The following CACNG2 variants were observed in gnomAD, a reference collection of about 807,000 sequenced individuals.
CACNG2 encodes the protein voltage-dependent calcium channel gamma-2 subunit.
A neutral mutation model predicts 25.9 loss-of-function variants in CACNG2; 3 were observed. The observed-to-expected ratio is 0.12, with a 90% CI of 0.05 to 0.30. CACNG2 has a LOEUF of 0.30. CACNG2 is among the 10% of genes least tolerant of loss of function. The pLI, the probability that CACNG2 is intolerant of heterozygous loss-of-function variation, is 1.00. For synonymous variants in CACNG2, 167 were observed against 173.3 expected, an observed-to-expected ratio of 0.96 and a Z score of 0.29; for missense variants, 341 against 432.5, an observed-to-expected ratio of 0.79 and a Z score of 1.88.
At chr22:36,609,964 C>A (rs374148427) in intron 1 of CACNG2, among the ~76,000 whole-genome samples, 17 of 149,600 alleles carry the variant, frequency 1.1e-4, no homozygotes, top group Non-Finnish European at 7.4e-5. Context: ...CCCCCCAGAG[C>A]GTGACCGGGC....
chr22:36,613,954 C>A (rs1935983346), intron 1 of CACNG2, among the ~76,000 whole-genome samples: 1 of 152,102 alleles, frequency 6.6e-6, no homozygotes, highest in South Asian at 2.1e-4. Flanking sequence ...AATCTGGACC[C>A]CTACCAACCG....
At chr22:36,681,696 G>T (rs540297663) in intron 1 of CACNG2, among the ~76,000 whole-genome samples, 1 of 152,200 alleles carries the variant, frequency 6.6e-6, no homozygotes, top group Non-Finnish European at 1.5e-5. Flanking sequence ...GCTGGACTAG[G>T]GTTTAAATCC....
intron 1 of CACNG2, among the ~76,000 whole-genome samples, chr22:36,692,346 G>A (rs1937276891): frequency 6.6e-6 from 1 of 152,194 alleles, no homozygotes; most frequent in Admixed American, 6.5e-5. Flanking sequence ...AAGGAAGTGG[G>A]ACGGCACTCC....
At chr22:36,598,415 C>T (rs1000245616) in intron 1 of CACNG2, among the ~76,000 whole-genome samples, 1 of 151,828 alleles carries the variant, frequency 6.6e-6, no homozygotes, top group African/African-American at 2.4e-5. Context: ...GTCAGGAGTT[C>T]AAGACCAGCC....
At chr22:36,618,884 C>T (rs1176978732) in intron 1 of CACNG2, among the ~76,000 whole-genome samples, 3 of 152,130 alleles carry the variant, frequency 2.0e-5, no homozygotes, top group African/African-American at 4.8e-5. Flanking sequence ...GGCACCACTA[C>T]ACTCCAGCCT....
intron 1 of CACNG2, among the ~76,000 whole-genome samples, chr22:36,603,807 A>T (rs1335791629): frequency 1.3e-5 from 2 of 152,188 alleles, no homozygotes; most frequent in Non-Finnish European, 2.9e-5. Flanking sequence ...CTGCTCATTT[A>T]CCATGCACCT....
intron 1 of CACNG2, among the ~76,000 whole-genome samples, chr22:36,648,597 C>T (rs534160904): frequency 6.6e-6 from 1 of 152,314 alleles, no homozygotes; most frequent in Admixed American, 6.5e-5. Flanking sequence ...CTACTTCACC[C>T]TTCTCTCTCC....
chr22:36,645,698 T>A (rs1362579521), intron 1 of CACNG2, among the ~76,000 whole-genome samples: 1 of 152,220 alleles, frequency 6.6e-6, no homozygotes, highest in African/African-American at 2.4e-5. Flanking sequence ...TTGGCATTTA[T>A]GGATACTAAA....
At position 36,610,303 on chromosome 22, in the gene CACNG2, AGC is replaced by A. The variant is rs1234005021; in HGVS notation, c.212-22757_212-22756del. Among the ~76,000 whole-genome samples, 12 of 148,964 alleles carry A rather than the reference AGC, an allele frequency of 8.1e-5. 1 individual carries two copies. In the East Asian group the frequency reaches 2.4e-3, roughly 30 times the overall value. On this transcript the variant is annotated intron_variant, in intron 1 of 3. Transcript: ENST00000300105. ...GATTGGGCAGGAATCAGCCGCTTAGAGCGTGATTGGGCAGGAATCAGCTCCCC... is the reference window on the plus strand; with the variant it reads ...GATTGGGCAGGAATCAGCCGCTTAGAGTGATTGGGCAGGAATCAGCTCCCC...
chr22:36,689,564 AG>A (rs534479782), intron 1 of CACNG2, among the ~76,000 whole-genome samples: 1 of 152,326 alleles, frequency 6.6e-6, no homozygotes, highest in South Asian at 2.1e-4. Context: ...TTCAAACGAC[AG>A]GTCTTTAAGT....
chr22:36,662,081 C>T (rs1267314785), intron 1 of CACNG2, among the ~76,000 whole-genome samples: 1 of 141,868 alleles, frequency 7.0e-6, no homozygotes, highest in Non-Finnish European at 1.5e-5. Context: ...CCAGGTCAAG[C>T]AATTCTCCTG....
At chr22:36,609,913 C>T (rs1935909133) in intron 1 of CACNG2, among the ~76,000 whole-genome samples, 1 of 135,896 alleles carries the variant, frequency 7.4e-6, no homozygotes. Flanking sequence ...CATGATCAGG[C>T]AGGAAATCAA....
intron 2 of CACNG2, among the ~76,000 whole-genome samples, chr22:36,575,079 GT>G (rs1935291695): frequency 6.6e-6 from 1 of 152,210 alleles, no homozygotes; most frequent in South Asian, 2.1e-4. Flanking sequence ...AAATAATAGT[GT>G]TCCTTGGCCC....
At chr22:36,684,061 G>A (rs1001069750) in intron 1 of CACNG2, among the ~76,000 whole-genome samples, 6 of 152,136 alleles carry the variant, frequency 3.9e-5, no homozygotes, top group Non-Finnish European at 7.3e-5. Context: ...ATGAGTAATG[G>A]GGCTGAAGAG....
chr22:36,566,344 G>C lies in CACNG2; in HGVS notation c.436+9C>G. On this transcript the variant is annotated intron_variant, in intron 3 of 3. Transcript: ENST00000300105. ...TTCCCAGTGGCAGGACTGGATCAGT[G>C]GCTGTTACCTGCAGACACGAAGAAG... is the stretch of plus-strand genomic sequence containing the variant. 6.2e-7 allele frequency: 1 copy of C among 1,613,964 alleles called. No individual in the cohort carries two copies. The highest frequency in any genetic ancestry group is 1.6e-4 in the Middle Eastern group (1 of 6,062).
At chr22:36,666,766 G>A (rs1015100805) in intron 1 of CACNG2, among the ~76,000 whole-genome samples, 1 of 151,810 alleles carries the variant, frequency 6.6e-6, no homozygotes, top group Non-Finnish European at 1.5e-5. Context: ...CCTTCAGAGG[G>A]AACCATACTT....
intron 1 of CACNG2, among the ~76,000 whole-genome samples, chr22:36,596,980 G>A (rs1935687722): frequency 6.6e-6 from 1 of 151,856 alleles, no homozygotes; most frequent in African/African-American, 2.4e-5. Flanking sequence ...TTGAACTCCT[G>A]GGCTCAAGCG....
At chr22:36,586,760 T>C (rs1233562104) in intron 2 of CACNG2, among the ~76,000 whole-genome samples, 2 of 152,150 alleles carry the variant, frequency 1.3e-5, no homozygotes. Context: ...CCTCAAGGAC[T>C]CTCAGCCCCT....
At chr22:36,663,689 T>A (rs942767848) in intron 1 of CACNG2, among the ~76,000 whole-genome samples, 5 of 151,908 alleles carry the variant, frequency 3.3e-5, no homozygotes, top group African/African-American at 1.2e-4. Context: ...GCTCGCAGAG[T>A]CCTCAGCATC....
Sources: gnomAD v4.1 joint callset for allele counts (sites outside exome capture counted in the v4.1 genomes callset) on GRCh38, gnomAD v4.1.1 for gene constraint, MANE v1.5 for transcripts, NCBI Gene and HGNC (gene_info 2026-07-23, HGNC 2026-07-21) for gene names.